TOX: variants seen among roughly 807,000 people sequenced by gnomAD.
The protein encoded by TOX is thymocyte selection associated high mobility group box, also known as thymocyte selection-associated high mobility group box protein TOX.
In TOX, 11 loss-of-function variants were observed where a neutral mutation model predicts 53.7. The ratio of observed to expected loss-of-function variants is 0.20; its 90% CI spans 0.13 to 0.34. The LOEUF is 0.34. Ranked by LOEUF, TOX falls within the 10% of genes least tolerant of loss-of-function variation. The pLI is 1.00. For missense variants in TOX, 570 were observed against 664.6 expected (o/e 0.86, Z 1.56); for synonymous variants, 225 against 245.3 (o/e 0.92, Z 0.77).
At chr8:58,810,899 G>T (rs1810066690) in intron 7 of TOX, among the ~76,000 whole-genome samples, 1 of 151,638 alleles carries the variant, frequency 6.6e-6, no homozygotes, top group Non-Finnish European at 1.5e-5. Flanking sequence ...ATAGTTCTCA[G>T]GTTGTAAGAA....
chr8:58,879,371 T>C (rs1383564989), intron 3 of TOX, among the ~76,000 whole-genome samples: 2 of 152,182 alleles, frequency 1.3e-5, no homozygotes, highest in Non-Finnish European at 2.9e-5. Flanking sequence ...TCTTGCAGAA[T>C]TTTAAGTAAA....
chr8:58,915,635 C>A (rs909682614), intron 3 of TOX, among the ~76,000 whole-genome samples: 30 of 145,948 alleles, frequency 2.1e-4, no homozygotes, highest in Non-Finnish European at 3.8e-4. Flanking sequence ...AACTCTAAAA[C>A]GCAGAGCGCC....
chr8:59,075,496 T>C lies in TOX; in HGVS notation c.102+43390A>G, dbSNP rs544414604. ...CAGCTCATGACCTTTTGTTCTAACA[T>C]GAGGTGGCTTGAGGTCTTCATTTCT... On this transcript the variant is annotated intron_variant, in intron 1 of 8. Transcript: ENST00000361421. 7.9e-5 allele frequency among the ~76,000 whole-genome samples: 12 copies of C among 152,274 alleles called. No homozygotes were observed. In the East Asian group the frequency reaches 2.3e-3, roughly 29 times the overall value.
chr8:59,034,027 C>T (rs1356685166), intron 1 of TOX, among the ~76,000 whole-genome samples: 1 of 152,222 alleles, frequency 6.6e-6, no homozygotes. Flanking sequence ...TTTTGCCTTG[C>T]ACATGCACCA....
chr8:59,048,393 T>G (rs921051294), intron 1 of TOX, among the ~76,000 whole-genome samples: 1 of 152,158 alleles, frequency 6.6e-6, no homozygotes, highest in African/African-American at 2.4e-5. Context: ...CCATGAAAGC[T>G]CCACATTAGA....
chr8:58,885,450 A>G (rs914909414), intron 3 of TOX, among the ~76,000 whole-genome samples: 4 of 152,066 alleles, frequency 2.6e-5, no homozygotes, highest in Non-Finnish European at 5.9e-5. Flanking sequence ...ACCTCTTGCT[A>G]TGTGTCACCT....
chr8:58,927,292 G>A (rs1435417692), intron 3 of TOX, among the ~76,000 whole-genome samples: 3 of 152,136 alleles, frequency 2.0e-5, no homozygotes, highest in Admixed American at 6.5e-5. Flanking sequence ...GAGTCATCAC[G>A]GTGCCGAGTT....
At chr8:58,810,229 C>G (rs938668570) in intron 7 of TOX, among the ~76,000 whole-genome samples, 1 of 152,132 alleles carries the variant, frequency 6.6e-6, no homozygotes, top group Non-Finnish European at 1.5e-5. Flanking sequence ...ATCTTGAACT[C>G]TGGGGCTCAA....
At chr8:58,838,697 G>GTTTTTTTTT (rs1810590539) in intron 4 of TOX, among the ~76,000 whole-genome samples, 3 of 76,678 alleles carry the variant, frequency 3.9e-5, no homozygotes, top group Admixed American at 1.6e-4. Context: ...AGTTATCCTT[G>GTTTTTTTTT]TCTTTTTTTT....
At chr8:59,100,242 T>G (rs1004714962) in intron 1 of TOX, among the ~76,000 whole-genome samples, 1 of 152,202 alleles carries the variant, frequency 6.6e-6, no homozygotes, top group East Asian at 1.9e-4. Context: ...CAAGTAAATA[T>G]CCAACATTCT....
chr8:59,059,313 G>A lies in TOX; in HGVS notation c.102+59573C>T, dbSNP rs557332132. 1.2e-4 allele frequency among the ~76,000 whole-genome samples: 19 copies of A among 152,156 alleles called. No individual in the cohort carries two copies. In the South Asian group the frequency reaches 3.9e-3, roughly 32 times the overall value. ...AGCCTGGAGAAGGTGGGGCTACCTT[G>A]GATGTTCTTCTAAAGATCAGATGAG... On this transcript the variant is annotated intron_variant, in intron 1 of 8. Coordinates refer to ENST00000361421, the MANE Select transcript of TOX (RefSeq NM_014729.3).
intron 1 of TOX, among the ~76,000 whole-genome samples, chr8:59,082,051 A>C (rs1258303537): frequency 6.6e-6 from 1 of 152,204 alleles, no homozygotes; most frequent in Non-Finnish European, 1.5e-5. Context: ...CAGCTTTTTG[A>C]AACAGAGATA....
At chr8:58,875,000 G>A (rs929593368) in intron 3 of TOX, among the ~76,000 whole-genome samples, 4 of 152,220 alleles carry the variant, frequency 2.6e-5, no homozygotes, top group Non-Finnish European at 5.9e-5. Flanking sequence ...GTGGGCCATG[G>A]ATTGGACAAG....
At chr8:59,005,224 G>A (rs544624094) in intron 1 of TOX, among the ~76,000 whole-genome samples, 1 of 152,166 alleles carries the variant, frequency 6.6e-6, no homozygotes, top group Non-Finnish European at 1.5e-5. Context: ...ATTTTTAGTA[G>A]AGACGGGGTT....
intron 1 of TOX, among the ~76,000 whole-genome samples, chr8:59,109,320 A>T (rs1450897223): frequency 1.3e-5 from 2 of 152,174 alleles, no homozygotes; most frequent in Non-Finnish European, 2.9e-5. Flanking sequence ...GATTACTATG[A>T]ATATATATTA....
At chr8:59,037,336 C>T (rs1803488286) in intron 1 of TOX, among the ~76,000 whole-genome samples, 1 of 152,038 alleles carries the variant, frequency 6.6e-6, no homozygotes, top group Non-Finnish European at 1.5e-5. Context: ...GCCCACTTCC[C>T]TGCTTCTCTC....
chr8:58,852,824 G>A (rs969829960), intron 3 of TOX, among the ~76,000 whole-genome samples: 2 of 152,144 alleles, frequency 1.3e-5, no homozygotes, highest in Non-Finnish European at 2.9e-5. Flanking sequence ...AAAGTTACAC[G>A]TTGGAAGTGA....
chr8:58,928,303 G>A (rs557544381), intron 3 of TOX, among the ~76,000 whole-genome samples: 1 of 152,270 alleles, frequency 6.6e-6, no homozygotes, highest in African/African-American at 2.4e-5. Context: ...GGCTGCTTTG[G>A]GGAAAGAAAA....
At chr8:59,039,847 T>G (rs565455652) in intron 1 of TOX, among the ~76,000 whole-genome samples, 1 of 145,728 alleles carries the variant, frequency 6.9e-6, no homozygotes, top group Admixed American at 6.7e-5. Context: ...TTTAAATAAT[T>G]TTTTTTAAGT....
Sources: gnomAD v4.1 joint callset for allele counts (sites outside exome capture counted in the v4.1 genomes callset) on GRCh38, gnomAD v4.1.1 for gene constraint, MANE v1.5 for transcripts, NCBI Gene and HGNC (gene_info 2026-07-23, HGNC 2026-07-21) for gene names.